Variants in ZDHHC11 observed in about 807,000 individuals in gnomAD.
ZDHHC11 encodes zDHHC palmitoyltransferase 11.
ZDHHC11 carries 44 observed loss-of-function variants against 51.3 expected under a neutral mutation model. That is an observed-to-expected ratio of 0.86 (90% CI 0.67 to 1.10). The LOEUF (loss-of-function observed/expected upper bound fraction) is 1.10, where lower values mean the gene tolerates loss of function less well. ZDHHC11 is among the 50% of genes least tolerant of loss of function. ZDHHC11 has a pLI of 0.00. For missense variants in ZDHHC11, 400 were observed against 537.7 expected, an observed-to-expected ratio of 0.74 and a Z score of 2.53; for synonymous variants, 163 against 222.0, an observed-to-expected ratio of 0.73 and a Z score of 2.36.
intron 7 of ZDHHC11, among the ~76,000 whole-genome samples, chr5:827,953 G>C (rs1377473740): frequency 1.3e-5 from 2 of 151,006 alleles, no homozygotes; most frequent in African/African-American, 2.4e-5. Context: ...TAATGAGCAT[G>C]CTGCCTTCAA....
In ZDHHC11 at chr5:849,097, G is replaced by C. The variant is rs1193459727; in HGVS notation, c.223-437C>G. On this transcript the variant is annotated intron_variant, in intron 1 of 12. Transcript: ENST00000283441. ...CTGCTCACCCAGATCTAGAGGAGAT[G>C]AGTCCACCCGTCGGCCCTGCACACA... is the stretch of plus-strand genomic sequence containing the variant. Among the ~76,000 whole-genome samples, 6 of 152,048 alleles carry C rather than the reference G, an allele frequency of 3.9e-5. No homozygotes were observed. In the East Asian group the frequency reaches 1.2e-3, roughly 29 times the overall value.
chr5:844,303 T>C (rs1444763849), intron 3 of ZDHHC11, among the ~76,000 whole-genome samples: 1 of 152,294 alleles, frequency 6.6e-6, no homozygotes, highest in African/African-American at 2.4e-5. Flanking sequence ...GCAAACGTGA[T>C]TGCCTTTAAT....
At chr5:818,303 G>A (rs186093340) in intron 10 of ZDHHC11, among the ~76,000 whole-genome samples, 23 of 151,814 alleles carry the variant, frequency 1.5e-4, no homozygotes, top group African/African-American at 5.3e-4. Flanking sequence ...GTTGGTGGGT[G>A]AGTCTGGGCG....
intron 1 of ZDHHC11, among the ~76,000 whole-genome samples, chr5:849,300 G>A (rs1746781897): frequency 6.6e-6 from 1 of 152,172 alleles, no homozygotes; most frequent in Non-Finnish European, 1.5e-5. Flanking sequence ...AGTCAGCCCA[G>A]CCAAGCACAG....
At chr5:803,505 C>G in intron 11 of ZDHHC11, among the ~76,000 whole-genome samples, 1 of 151,338 alleles carries the variant, frequency 6.6e-6, no homozygotes, top group Non-Finnish European at 1.5e-5. Flanking sequence ...AGAAAATCCA[C>G]AGTCCCAGAG....
intron 9 of ZDHHC11, 149 bp from the exon 10 acceptor site, chr5:819,761 T>C: frequency 1.3e-6 from 1 of 751,618 alleles, no homozygotes; most frequent in Non-Finnish European, 2.2e-6. Flanking sequence ...CGGGAGGTTG[T>C]GTGAGTGCTC....
upstream of ZDHHC11, among the ~76,000 whole-genome samples, chr5:853,562 A>T (rs147370045): frequency 7.6e-3 from 1,121 of 148,348 alleles, 22 homozygotes; most frequent in African/African-American, 0.027. Flanking sequence ...GACCCCACAG[A>T]GGACAGCAAG....
In ZDHHC11 at chr5:808,984, T is replaced by TACACACACACAC. The variant is rs56961185; in HGVS notation, c.1181+5765_1181+5776dup. The stretch of plus-strand genomic sequence containing the variant: ...CATGCTCCATCTTTTGACCATCAGT[T>TACACACACACAC]ACACACACACACACACACACACACA... On this transcript the variant is annotated intron_variant, in intron 11 of 12. Transcript: ENST00000283441. 9.4e-3 allele frequency among the ~76,000 whole-genome samples: 1,255 copies of TACACACACACAC among 133,768 alleles called. 38 individuals are homozygous for TACACACACACAC. The highest frequency in any genetic ancestry group is 0.032 in the African/African-American group (1,145 of 35,402). The allele number at this position is 133,768 out of a possible 152,430, so 87.8% of individuals were successfully genotyped here.
chr5:829,764 A>T (rs1260846127), intron 7 of ZDHHC11, among the ~76,000 whole-genome samples: 1 of 151,568 alleles, frequency 6.6e-6, no homozygotes, highest in East Asian at 1.9e-4. Context: ...AACCGAATCA[A>T]ACAGCATAGC....
upstream of ZDHHC11, among the ~76,000 whole-genome samples, chr5:860,474 ACACCTGCACACCCTCCTCCAC>A (rs896783340): frequency 1.4e-4 from 21 of 152,188 alleles, no homozygotes; most frequent in Admixed American, 9.8e-4. The surrounding 1 kb of genome is among the most constrained non-coding windows in gnomAD (Gnocchi z 4.2). Flanking sequence ...ACCCTCAAAC[ACACCTGCACACCCTCCTCCAC>A]CACCTGCACA....
upstream of ZDHHC11, among the ~76,000 whole-genome samples, chr5:854,670 G>A (rs1409452030): frequency 6.6e-6 from 1 of 151,106 alleles, no homozygotes; most frequent in East Asian, 2.0e-4. Flanking sequence ...AGTGAGCTGG[G>A]GGCACAGATC....
chr5:828,287 G>A (rs1190522880), intron 7 of ZDHHC11, among the ~76,000 whole-genome samples: 1 of 151,210 alleles, frequency 6.6e-6, no homozygotes, highest in Non-Finnish European at 1.5e-5. Flanking sequence ...CGGGCAGAGG[G>A]GCTCCTCACT....
At chr5:798,531 C>T (rs1261813142) in intron 12 of ZDHHC11, among the ~76,000 whole-genome samples, 2 of 149,780 alleles carry the variant, frequency 1.3e-5, no homozygotes, top group Non-Finnish European at 3.0e-5. Flanking sequence ...TTTCCCCTCC[C>T]TTTTCCCTTT....
At chr5:802,331 A>T (rs753739399) in intron 11 of ZDHHC11, among the ~76,000 whole-genome samples, 16 of 151,408 alleles carry the variant, frequency 1.1e-4, no homozygotes, top group Admixed American at 3.3e-4. Flanking sequence ...AGCAAAGGAG[A>T]ACTGGGGTAT....
intron 9 of ZDHHC11, among the ~76,000 whole-genome samples, chr5:821,553 G>A (rs145961958): frequency 6.6e-6 from 1 of 151,446 alleles, no homozygotes; most frequent in African/African-American, 2.4e-5. Flanking sequence ...CAGGGCTGAT[G>A]TGCAGCTCCC....
At chr5:801,636 AC>A (rs1738436884) in intron 11 of ZDHHC11, among the ~76,000 whole-genome samples, 1 of 151,130 alleles carries the variant, frequency 6.6e-6, no homozygotes, top group Admixed American at 6.6e-5. Context: ...ATGTTACACT[AC>A]CCCAGCCAGC....
chr5:816,843 G>C (rs1261467726), intron 10 of ZDHHC11: 1 of 473,206 alleles, frequency 2.1e-6, no homozygotes, highest in East Asian at 5.0e-5. Context: ...CCCTGAAGCT[G>C]ACCTTCATCA....
chr5:839,608 G>A (rs1309593060), intron 5 of ZDHHC11: 18 of 150,212 alleles, frequency 1.2e-4, no homozygotes, highest in Admixed American at 1.2e-3. Context: ...AGGGTAACCT[G>A]TGGTTATGAA....
chr5:798,149 C>T (rs1301858919), intron 12 of ZDHHC11, among the ~76,000 whole-genome samples: 2 of 150,586 alleles, frequency 1.3e-5, no homozygotes, highest in Admixed American at 1.3e-4. Flanking sequence ...GGGGCCCTTA[C>T]TTTAAGAGAT....
Sources: allele counts gnomAD v4.1 joint callset (sites outside exome capture counted in the v4.1 genomes callset), GRCh38; gene constraint gnomAD v4.1.1; non-coding constraint Gnocchi (gnomAD v3.1); transcripts MANE v1.5; gene names NCBI Gene and HGNC (gene_info 2026-07-23, HGNC 2026-07-21).